OSBPL1A: variants seen among roughly 807,000 people sequenced by gnomAD.
OSBPL1A encodes the protein oxysterol-binding protein-related protein 1.
A neutral mutation model predicts 137.1 loss-of-function variants in OSBPL1A; 80 were observed. The ratio of observed to expected loss-of-function variants is 0.58; its 90% CI spans 0.49 to 0.70. OSBPL1A has a LOEUF of 0.70. Among genes scored for constraint, OSBPL1A ranks in the 30% least tolerant of loss-of-function variants. The probability of loss-of-function intolerance (pLI) is 0.00; values close to 1 mark genes in which losing one functional copy is unlikely to be tolerated. For missense variants in OSBPL1A, 970 were observed against 1,129.4 expected (o/e 0.86, Z 2.02); for synonymous variants, 365 against 389.7 (o/e 0.94, Z 0.75).
rs561081613 is a variant in OSBPL1A at position 24,203,007 on chromosome 18, C to T, written c.1602-6807G>A. The stretch of plus-strand genomic sequence containing the variant: ...ATTACTTTTTTTGGAGACAGAGTTT[C>T]GCTCTTTTTGCCCAGGCTGCAATGC... On this transcript the variant is annotated intron_variant, in intron 17 of 27. Coordinates refer to ENST00000319481, the MANE Select transcript of OSBPL1A (RefSeq NM_080597.4). Among the ~76,000 whole-genome samples the T allele has an allele frequency of 1.2e-4, 18 of 152,254 alleles. No homozygotes were observed. In the East Asian group the frequency reaches 3.3e-3, roughly 28 times the overall value.
At chr18:24,334,411 T>C in intron 5 of OSBPL1A, 81 bp from the exon 6 acceptor site, 1 of 1,039,422 alleles carries the variant, frequency 9.6e-7, no homozygotes, top group East Asian at 2.8e-5. Flanking sequence ...GTGATCATGA[T>C]GAGAAAAACC....
chr18:24,185,866 T>G (rs2145930029), intron 18 of OSBPL1A, among the ~76,000 whole-genome samples: 1 of 152,252 alleles, frequency 6.6e-6, no homozygotes, highest in Non-Finnish European at 1.5e-5. Flanking sequence ...AGCCCAGGAA[T>G]TCGAGACCCG....
At chr18:24,237,006 C>T (rs2088502185) in intron 16 of OSBPL1A, among the ~76,000 whole-genome samples, 1 of 152,062 alleles carries the variant, frequency 6.6e-6, no homozygotes, top group Non-Finnish European at 1.5e-5. Flanking sequence ...GCTTATAACA[C>T]TGACAGTAAA....
At chr18:24,331,733 A>G (rs1320781451) in intron 7 of OSBPL1A, among the ~76,000 whole-genome samples, 2 of 151,872 alleles carry the variant, frequency 1.3e-5, no homozygotes, top group African/African-American at 4.8e-5. Flanking sequence ...CACCTTTTAT[A>G]GCTTCTTTTC....
Position 24,271,848 on chromosome 18 carries a change from C to G in OSBPL1A, c.1281+8994G>C, listed in dbSNP as rs1291525999. Reference sequence around the variant, plus strand: ...CAGCGCCAGCCTTCCCCAGCGAGGTCGGGCAGAGGCGTTGCCCGCCAGCGG... The same window carrying G: ...CAGCGCCAGCCTTCCCCAGCGAGGTGGGGCAGAGGCGTTGCCCGCCAGCGG... On this transcript the variant is annotated intron_variant, in intron 15 of 27. Transcript: ENST00000319481. This position sits in a 1 kb window ranked among gnomAD's most constrained non-coding sequence, Gnocchi z 4.0. 4.6e-5 allele frequency: 45 copies of G among 985,244 alleles called. No individual in the cohort carries two copies. The South Asian group carries it at 1.9e-3, about 42-fold the overall frequency. The allele number at this position is 985,244 out of a possible 1,614,324, so 61.0% of individuals were successfully genotyped here. A position where few individuals can be genotyped will look rare whatever the true frequency, so the allele number is the denominator to read the frequency against.
At chr18:24,376,627 G>C (rs1282788335) in intron 2 of OSBPL1A, among the ~76,000 whole-genome samples, 2 of 152,256 alleles carry the variant, frequency 1.3e-5, no homozygotes, top group East Asian at 3.9e-4. Context: ...CTGTGGAGCA[G>C]GGGGCAGTGC....
intron 20 of OSBPL1A, among the ~76,000 whole-genome samples, chr18:24,178,833 G>T (rs1433047779): frequency 6.6e-6 from 1 of 151,994 alleles, no homozygotes; most frequent in Non-Finnish European, 1.5e-5. Flanking sequence ...GGGAATAAAT[G>T]AGATCAAAAC....
intron 7 of OSBPL1A, among the ~76,000 whole-genome samples, chr18:24,325,516 G>A (rs770574639): frequency 6.6e-6 from 1 of 152,188 alleles, no homozygotes; most frequent in Non-Finnish European, 1.5e-5. Flanking sequence ...TCAGCTGTTT[G>A]CTCAAAGTTG....
At chr18:24,191,679 C>T (rs559095254) in intron 18 of OSBPL1A, among the ~76,000 whole-genome samples, 1 of 152,126 alleles carries the variant, frequency 6.6e-6, no homozygotes, top group African/African-American at 2.4e-5. Flanking sequence ...ATACATATTT[C>T]TGCAGTAATG....
intron 5 of OSBPL1A, among the ~76,000 whole-genome samples, chr18:24,337,375 T>TTAACATAACATATAACA (rs2091192374): frequency 7.1e-6 from 1 of 141,314 alleles, no homozygotes; most frequent in African/African-American, 2.7e-5. Context: ...AAACATAACA[T>TTAACATAACATATAACA]TAACATAACA....
intron 18 of OSBPL1A, among the ~76,000 whole-genome samples, chr18:24,189,733 C>T (rs567355293): frequency 6.6e-5 from 10 of 152,280 alleles, no homozygotes; most frequent in African/African-American, 1.4e-4. Flanking sequence ...TGAATACCAC[C>T]GATTACACGC....
intron 1 of OSBPL1A, among the ~76,000 whole-genome samples, chr18:24,387,365 T>C (rs1907020946): frequency 6.6e-6 from 1 of 152,128 alleles, no homozygotes; most frequent in Non-Finnish European, 1.5e-5. Flanking sequence ...CAAAAATATT[T>C]TTTTATAGCA....
At chr18:24,239,466 T>C in intron 15 of OSBPL1A, 84 bp from the exon 16 acceptor site, 1 of 1,276,318 alleles carries the variant, frequency 7.8e-7, no homozygotes, top group Non-Finnish European at 1.1e-6. Context: ...TTAATTGCTT[T>C]TGATCCAGTT....
At chr18:24,360,135 A>C (rs2091600119) in intron 4 of OSBPL1A, among the ~76,000 whole-genome samples, 1 of 151,966 alleles carries the variant, frequency 6.6e-6, no homozygotes. Context: ...GGCCCAGCTA[A>C]TTTTTTTGTA....
At chr18:24,381,099 C>A (rs968553919) in intron 1 of OSBPL1A, among the ~76,000 whole-genome samples, 2 of 152,100 alleles carry the variant, frequency 1.3e-5, no homozygotes, top group Non-Finnish European at 2.9e-5. Flanking sequence ...TTATTCAGGA[C>A]CCCCGTGGTA....
intron 23 of OSBPL1A, chr18:24,170,662 C>A (rs555435092): frequency 1.9e-6 from 1 of 529,388 alleles, no homozygotes; most frequent in Non-Finnish European, 3.4e-6. Context: ...AAGGTGTGTA[C>A]GACTCACAGA....
Position 24,338,239 on chromosome 18 carries a change from A to ATTT in OSBPL1A, c.394+3305_394+3307dup, listed in dbSNP as rs71375134. Among the ~76,000 whole-genome samples, 52 of 143,372 alleles carry ATTT rather than the reference A, an allele frequency of 3.6e-4. 1 individual carries two copies. The highest frequency in any genetic ancestry group is 1.3e-3 in the South Asian group (6 of 4,494). 94.1% of individuals were successfully genotyped at this position (143,372 alleles called of 152,430 possible). ...AAGCACTTGCCACCATGCCTGGCTA[A>ATTT]TTTTTTTTTTTTTTGTATTTTTAGT... On this transcript the variant is annotated intron_variant, in intron 5 of 27. Coordinates refer to ENST00000319481, the MANE Select transcript of OSBPL1A (RefSeq NM_080597.4).
intron 17 of OSBPL1A, among the ~76,000 whole-genome samples, chr18:24,204,347 C>A (rs978412194): frequency 6.6e-6 from 1 of 152,098 alleles, no homozygotes; most frequent in Non-Finnish European, 1.5e-5. Context: ...TGGTCAACTG[C>A]CTATTTATAA....
intron 14 of OSBPL1A, among the ~76,000 whole-genome samples, chr18:24,297,153 A>G (rs1047351902): frequency 1.1e-4 from 16 of 152,096 alleles, no homozygotes; most frequent in African/African-American, 3.4e-4. Flanking sequence ...CAATTTTTAA[A>G]TTACTGATTC....
Sources: gnomAD v4.1 joint callset for allele counts (sites outside exome capture counted in the v4.1 genomes callset) on GRCh38, gnomAD v4.1.1 for gene constraint, Gnocchi (gnomAD v3.1) non-coding constraint, MANE v1.5 for transcripts, NCBI Gene and HGNC (gene_info 2026-07-23, HGNC 2026-07-21) for gene names.